SAXO1: variants seen among roughly 807,000 people sequenced by gnomAD.
The protein encoded by SAXO1 is stabilizer of axonemal microtubules 1, also known as 4930500O09Rik.
Under a neutral mutation model 17.5 loss-of-function variants are expected in SAXO1, and 21 were observed. The observed-to-expected ratio is 1.20, with a 90% CI of 0.85 to 1.72. The LOEUF (loss-of-function observed/expected upper bound fraction) is 1.72. Among genes scored for constraint, SAXO1 ranks in the 40% most tolerant of loss-of-function variants. The pLI is 0.00. For synonymous variants in SAXO1, 274 were observed against 216.5 expected (o/e 1.27, Z -2.33); for missense variants, 843 against 596.0 (o/e 1.41, Z -4.32).
At chr9:18,973,276 A>G (rs1206805016) in intron 1 of SAXO1, among the ~76,000 whole-genome samples, 1 of 152,242 alleles carries the variant, frequency 6.6e-6, no homozygotes, top group Non-Finnish European at 1.5e-5. Context: ...AGCTTTGTGC[A>G]TATTTATGTA....
rs16937198 is a variant in SAXO1 at position 18,950,772 on chromosome 9, G to C, written c.204C>G (p.Gly68=). The C allele has an allele frequency of 2.2e-3, 3,563 of 1,613,154 alleles. 68 individuals are homozygous for C. In the African/African-American group the frequency reaches 0.041, roughly 19 times the overall value. ...TTTGCCCTCACCTTGATGTAGTCAG[G>C]CCTTCCATTGGTATAGGCCCTTTCT... The part of the protein sequence containing the change: ...EYQKGPIPME[G]LTTSRRDFGP... The change falls in exon 2 of 4, where the codon GGC becomes GGG. Residue 68 remains glycine, a synonymous_variant. Coordinates refer to ENST00000380534, the MANE Select transcript of SAXO1 (RefSeq NM_153707.4).
intron 1 of SAXO1, chr9:19,027,753 A>C (rs1835560544): frequency 5.4e-6 from 8 of 1,491,342 alleles, no homozygotes. Flanking sequence ...CGAGAGGTGC[A>C]GAGGACGATG....
At chr9:18,988,247 C>T (rs1302002420) in intron 1 of SAXO1, among the ~76,000 whole-genome samples, 3 of 152,222 alleles carry the variant, frequency 2.0e-5, no homozygotes, top group Non-Finnish European at 2.9e-5. Flanking sequence ...AGCACAGCAT[C>T]TTCTGTGAGC....
intron 1 of SAXO1, among the ~76,000 whole-genome samples, chr9:19,002,380 TCTCA>T (rs1278666994): frequency 1.3e-5 from 2 of 152,168 alleles, no homozygotes; most frequent in East Asian, 3.9e-4. Context: ...GGGACTCCTC[TCTCA>T]CTCTTTCTAT....
intron 1 of SAXO1, among the ~76,000 whole-genome samples, chr9:18,997,644 C>T (rs949081090): frequency 3.3e-5 from 5 of 152,232 alleles, no homozygotes; most frequent in South Asian, 2.1e-4. Context: ...GCTCTGATAA[C>T]GGACAGACTG....
chr9:18,999,868 T>C (rs1001719592), intron 1 of SAXO1, among the ~76,000 whole-genome samples: 1 of 139,466 alleles, frequency 7.2e-6, no homozygotes, highest in African/African-American at 2.7e-5. Flanking sequence ...ATCTGGGAAG[T>C]GAGGAGTGCC....
intron 1 of SAXO1, among the ~76,000 whole-genome samples, chr9:18,954,693 C>T (rs191133379): frequency 6.6e-6 from 1 of 152,184 alleles, no homozygotes; most frequent in East Asian, 1.9e-4. Flanking sequence ...GTTCTAGTAT[C>T]TCCATTATGT....
rs192303852 is a variant in SAXO1 at position 19,031,144 on chromosome 9, C to G, written c.38+1727G>C. 8.6e-4 allele frequency among the ~76,000 whole-genome samples: 131 copies of G among 152,372 alleles called. 1 individual carries two copies. Among genetic ancestry groups the G allele is most frequent in the Admixed American group, 8.5e-3 (130 of 15,310 alleles). On this transcript the variant is annotated intron_variant, in intron 1 of 3. Transcript: ENST00000380534. Reference sequence around the variant, plus strand: ...ACTTCTCACTATATATGCTCTGCACCTCTTAATGAGCATTCTGCCTTCCTA... The same window carrying G: ...ACTTCTCACTATATATGCTCTGCACGTCTTAATGAGCATTCTGCCTTCCTA...
At chr9:18,993,522 T>C (rs1171840191) in intron 1 of SAXO1, among the ~76,000 whole-genome samples, 1 of 152,158 alleles carries the variant, frequency 6.6e-6, no homozygotes, top group Non-Finnish European at 1.5e-5. Context: ...ACATGTCCCA[T>C]GTAATCACCA....
intron 1 of SAXO1, among the ~76,000 whole-genome samples, chr9:19,004,770 G>A (rs1025129719): frequency 1.3e-4 from 20 of 152,282 alleles, no homozygotes; most frequent in Admixed American, 8.5e-4. Flanking sequence ...TAATGTAAAC[G>A]ATGAGTTGAT....
intron 3 of SAXO1, among the ~76,000 whole-genome samples, chr9:18,937,346 A>C (rs968419202): frequency 1.6e-4 from 24 of 152,138 alleles, no homozygotes; most frequent in African/African-American, 5.8e-4. Flanking sequence ...CCTTGTAAAC[A>C]ATGGTTCAGA....
At chr9:18,995,010 C>A (rs1833948062) in intron 1 of SAXO1, among the ~76,000 whole-genome samples, 1 of 152,304 alleles carries the variant, frequency 6.6e-6, no homozygotes, top group South Asian at 2.1e-4. Flanking sequence ...TTAGACCATC[C>A]AGGAAGAGAC....
At chr9:18,950,736 C>A in intron 2 of SAXO1, 22 bp downstream of exon 2, 1 of 1,604,834 alleles carries the variant, frequency 6.2e-7, no homozygotes, top group Middle Eastern at 1.7e-4. Context: ...TACCTGCATA[C>A]ATTAATACTG....
At chr9:18,957,682 T>C (rs74832859) in intron 1 of SAXO1, among the ~76,000 whole-genome samples, 1,607 of 152,244 alleles carry the variant, frequency 0.011, 21 homozygotes, top group African/African-American at 0.036. Flanking sequence ...GCCAATAGCT[T>C]AGAATGATTC....
intron 1 of SAXO1, among the ~76,000 whole-genome samples, chr9:19,006,316 T>C (rs940656815): frequency 3.9e-5 from 6 of 152,200 alleles, no homozygotes; most frequent in East Asian, 3.8e-4. Context: ...CAGATACCTG[T>C]AGACCAATCG....
At chr9:18,996,881 T>C (rs1443197540) in intron 1 of SAXO1, among the ~76,000 whole-genome samples, 3 of 151,858 alleles carry the variant, frequency 2.0e-5, no homozygotes, top group Admixed American at 1.3e-4. Flanking sequence ...AGGCATCCAA[T>C]TGGAAAGGAA....
At chr9:18,938,448 G>C (rs183820432) in intron 3 of SAXO1, among the ~76,000 whole-genome samples, 1 of 152,090 alleles carries the variant, frequency 6.6e-6, no homozygotes, top group Non-Finnish European at 1.5e-5. Flanking sequence ...GACAGAGAGC[G>C]CGAGTCGGGA....
chr9:18,944,779 G>A (rs1831718327), intron 2 of SAXO1, among the ~76,000 whole-genome samples: 1 of 152,214 alleles, frequency 6.6e-6, no homozygotes, highest in African/African-American at 2.4e-5. Context: ...TAACGTAACA[G>A]TGAGCTAGGG....
intron 1 of SAXO1, among the ~76,000 whole-genome samples, chr9:19,016,597 A>C (rs1014378750): frequency 2.0e-5 from 3 of 152,124 alleles, no homozygotes; most frequent in Non-Finnish European, 4.4e-5. Context: ...TGCCACTGGC[A>C]TCCAGTGGGT....
Sources: allele counts gnomAD v4.1 joint callset (sites outside exome capture counted in the v4.1 genomes callset), GRCh38; gene constraint gnomAD v4.1.1; transcripts MANE v1.5; gene names NCBI Gene and HGNC (gene_info 2026-07-23, HGNC 2026-07-21).